RUNX1T1: variants seen among roughly 807,000 people sequenced by gnomAD.
RUNX1T1 encodes protein CBFA2T1.
Under a neutral mutation model 62.8 loss-of-function variants are expected in RUNX1T1, and 4 were observed. The observed-to-expected ratio is 0.06, with a 90% CI of 0.03 to 0.15. The LOEUF (loss-of-function observed/expected upper bound fraction) is 0.15, where lower values mean the gene tolerates loss of function less well. RUNX1T1 is among the 10% of genes least tolerant of loss of function. The pLI, the probability that RUNX1T1 is intolerant of heterozygous loss-of-function variation, is 1.00. For missense variants in RUNX1T1, 508 were observed against 754.3 expected, an observed-to-expected ratio of 0.67 and a Z score of 3.82; for synonymous variants, 291 against 286.0, an observed-to-expected ratio of 1.02 and a Z score of -0.18.
chr8:92,017,451 A>G, intron 1 of RUNX1T1, 88 bp from the exon 3 acceptor site: 5 of 1,601,732 alleles, frequency 3.1e-6, no homozygotes, highest in Non-Finnish European at 4.3e-6. Context: ...AAGCAAGTGA[A>G]CAGAAGAAAT....
chr8:92,077,755 G>A (rs939742444), intron 1 of RUNX1T1, among the ~76,000 whole-genome samples: 1 of 152,010 alleles, frequency 6.6e-6, no homozygotes, highest in Non-Finnish European at 1.5e-5. Flanking sequence ...CTGAGCAAAC[G>A]AACCAGGCAA....
intron 10 of RUNX1T1, among the ~76,000 whole-genome samples, chr8:91,961,460 G>C (rs1214983629): frequency 6.6e-6 from 1 of 152,192 alleles, no homozygotes. Flanking sequence ...TCAAACCCTA[G>C]TAAGTTCACT....
chr8:91,970,730 C>G (rs751991890), exon 10 of RUNX1T1: 3 of 1,613,794 alleles, frequency 1.9e-6, no homozygotes, highest in Admixed American at 3.3e-5. Flanking sequence ...CCTCGGCGAC[C>G]GTGCGCTCCA....
At chr8:92,006,055 C>G (rs1247951151) in intron 4 of RUNX1T1, 1 of 151,688 alleles carries the variant, frequency 6.6e-6, no homozygotes, top group Non-Finnish European at 1.5e-5. Flanking sequence ...ATACTGGTCA[C>G]TCTTCCTCCT....
intron 3 of RUNX1T1, 97 bp downstream of exon 4, chr8:92,014,482 T>C (rs542656646): frequency 6.1e-6 from 7 of 1,142,830 alleles, no homozygotes; most frequent in South Asian, 3.3e-5. Context: ...GAAACTATTA[T>C]AACAAAATAC....
intron 8 of RUNX1T1, among the ~76,000 whole-genome samples, chr8:91,985,276 A>G (rs1816315942): frequency 6.6e-6 from 1 of 152,220 alleles, no homozygotes; most frequent in Non-Finnish European, 1.5e-5. Flanking sequence ...AATGTCAATG[A>G]CAAAACCGTA....
chr8:91,978,497 T>G (rs1563652764), intron 8 of RUNX1T1, among the ~76,000 whole-genome samples: 1 of 152,152 alleles, frequency 6.6e-6, no homozygotes, highest in Non-Finnish European at 1.5e-5. Flanking sequence ...TTTCTCTCAA[T>G]GTTAAAAATC....
chr8:92,047,659 T>G (rs976649195), intron 1 of RUNX1T1, among the ~76,000 whole-genome samples: 2 of 151,950 alleles, frequency 1.3e-5, no homozygotes, highest in East Asian at 3.9e-4. Context: ...AATATATGAC[T>G]TACAGACCTA....
At chr8:91,964,449 T>C (rs552463365) in intron 10 of RUNX1T1, among the ~76,000 whole-genome samples, 1 of 152,270 alleles carries the variant, frequency 6.6e-6, no homozygotes, top group African/African-American at 2.4e-5. Context: ...ACTCCTCAAA[T>C]GTTAAGAATC....
chr8:91,999,970 GAAC>G, intron 5 of RUNX1T1, among the ~76,000 whole-genome samples: 1 of 152,236 alleles, frequency 6.6e-6, no homozygotes, highest in East Asian at 1.9e-4. Flanking sequence ...AATGTGGAGA[GAAC>G]AAAATGCCCC....
At chr8:91,995,668 T>C (rs1818521472) in intron 5 of RUNX1T1, among the ~76,000 whole-genome samples, 1 of 151,980 alleles carries the variant, frequency 6.6e-6, no homozygotes, top group Non-Finnish European at 1.5e-5. Flanking sequence ...ACACCCATAG[T>C]TCTAACTACT....
At chr8:91,991,340 T>G (rs1817628383) in intron 6 of RUNX1T1, among the ~76,000 whole-genome samples, 1 of 152,140 alleles carries the variant, frequency 6.6e-6, no homozygotes, top group African/African-American at 2.4e-5. Context: ...AGCTAAAAAT[T>G]TATTTTGCAT....
At chr8:92,089,922 AT>A (rs1243286046) in intron 1 of RUNX1T1, among the ~76,000 whole-genome samples, 1 of 104,950 alleles carries the variant, frequency 9.5e-6, no homozygotes, top group Admixed American at 1.1e-4. Flanking sequence ...CAATCCCTGA[AT>A]TTAAAAAAAA....
chr8:91,961,730 G>A (rs963552242), intron 10 of RUNX1T1, among the ~76,000 whole-genome samples: 4 of 152,154 alleles, frequency 2.6e-5, no homozygotes, highest in East Asian at 1.9e-4. Context: ...AGTTTCTTTG[G>A]CAAGACCGAT....
At chr8:91,997,047 A>C (rs1490003370) in intron 5 of RUNX1T1, among the ~76,000 whole-genome samples, 1 of 152,066 alleles carries the variant, frequency 6.6e-6, no homozygotes, top group Non-Finnish European at 1.5e-5. Flanking sequence ...AAATCACTTG[A>C]ACCTGAGGCA....
chr8:91,961,164 G>C (rs1267182964), intron 10 of RUNX1T1, among the ~76,000 whole-genome samples: 3 of 152,196 alleles, frequency 2.0e-5, no homozygotes, highest in Non-Finnish European at 4.4e-5. Context: ...CTCCCTGGAG[G>C]ACAGGATCCT....
At chr8:91,967,932 T>A (rs1049632034) in intron 10 of RUNX1T1, among the ~76,000 whole-genome samples, 1 of 152,162 alleles carries the variant, frequency 6.6e-6, no homozygotes, top group African/African-American at 2.4e-5. Flanking sequence ...TGTGATTTTT[T>A]AAAAACTGTG....
At chr8:92,010,725 A>C in intron 4 of RUNX1T1, 1 of 270,372 alleles carries the variant, frequency 3.7e-6, no homozygotes, top group Non-Finnish European at 6.9e-6. Context: ...AAAATGTAAA[A>C]TAACATATCT....
At chr8:92,085,624 A>C (rs1466330720) in intron 1 of RUNX1T1, among the ~76,000 whole-genome samples, 1 of 152,210 alleles carries the variant, frequency 6.6e-6, no homozygotes, top group Non-Finnish European at 1.5e-5. Context: ...TTTAGAACAA[A>C]ACCACAAACT....
Sources: allele counts gnomAD v4.1 joint callset (sites outside exome capture counted in the v4.1 genomes callset), GRCh38; gene constraint gnomAD v4.1.1; transcripts MANE v1.5; gene names NCBI Gene and HGNC (gene_info 2026-07-23, HGNC 2026-07-21).